GABBR2: variants seen among roughly 807,000 people sequenced by gnomAD.
GABBR2 encodes G-protein coupled receptor 51.
A neutral mutation model predicts 105.6 loss-of-function variants in GABBR2; 23 were observed. The ratio of observed to expected loss-of-function variants is 0.22; its 90% CI spans 0.16 to 0.31. GABBR2 has a LOEUF of 0.31. Ranked by LOEUF, GABBR2 falls within the 10% of genes least tolerant of loss-of-function variation. The probability of loss-of-function intolerance (pLI) is 1.00; values close to 1 mark genes in which losing one functional copy is unlikely to be tolerated. For missense variants in GABBR2, 734 were observed against 1,245.5 expected (o/e 0.59, Z 6.18); for synonymous variants, 478 against 499.7 (o/e 0.96, Z 0.58).
At chr9:98,452,246 C>G (rs985702747) in intron 7 of GABBR2, among the ~76,000 whole-genome samples, 1 of 152,188 alleles carries the variant, frequency 6.6e-6, no homozygotes, top group Admixed American at 6.5e-5. Context: ...GCTTATCTAC[C>G]CTTTATTCCT....
At chr9:98,463,697 G>A (rs1257846383) in intron 6 of GABBR2, among the ~76,000 whole-genome samples, 6 of 151,198 alleles carry the variant, frequency 4.0e-5, no homozygotes, top group African/African-American at 9.7e-5. Flanking sequence ...CAGTACTGCC[G>A]TGATCTCGGC....
intron 4 of GABBR2, among the ~76,000 whole-genome samples, chr9:98,484,974 G>A (rs1204710648): frequency 1.3e-5 from 2 of 152,198 alleles, no homozygotes; most frequent in African/African-American, 4.8e-5. Flanking sequence ...AAAGGGCTTG[G>A]GGCAGTTTAG....
chr9:98,554,714 C>G (rs1046033873), intron 2 of GABBR2, among the ~76,000 whole-genome samples: 5 of 152,102 alleles, frequency 3.3e-5, no homozygotes, highest in Non-Finnish European at 7.4e-5. Flanking sequence ...ATTGTTTTTG[C>G]TATATGGCAT....
At chr9:98,576,932 AT>A (rs1243991101) in intron 2 of GABBR2, among the ~76,000 whole-genome samples, 34 of 150,946 alleles carry the variant, frequency 2.3e-4, no homozygotes, top group Non-Finnish European at 4.6e-4. Context: ...GGATGGATGG[AT>A]GGATGGATGG....
chr9:98,538,498 T>G (rs780685221), intron 3 of GABBR2: 1 of 467,242 alleles, frequency 2.1e-6, no homozygotes, highest in Non-Finnish European at 2.8e-6. Flanking sequence ...TAGAGATCAG[T>G]ACCTCAGACC....
chr9:98,371,071 C>T (rs79160486), intron 12 of GABBR2, among the ~76,000 whole-genome samples: 4,944 of 152,146 alleles, frequency 0.032, 276 homozygotes, highest in African/African-American at 0.11. Context: ...CCACACCAAG[C>T]CTCTCTCGGC....
chr9:98,416,759 A>T (rs757301412), intron 7 of GABBR2, among the ~76,000 whole-genome samples: 1 of 152,208 alleles, frequency 6.6e-6, no homozygotes, highest in Non-Finnish European at 1.5e-5. Flanking sequence ...TAGGGGCAGT[A>T]GCTGTTTCTT....
intron 13 of GABBR2, among the ~76,000 whole-genome samples, chr9:98,353,111 G>A (rs918593065): frequency 1.3e-5 from 2 of 152,112 alleles, no homozygotes; most frequent in African/African-American, 4.8e-5. Flanking sequence ...GTACTAAGGA[G>A]CTCTCCTTGG....
rs1588091448 is a variant in GABBR2, at chr9:98,306,635, A to G, written c.2005-290T>C. On this transcript the variant is annotated intron_variant, in intron 14 of 18. Coordinates refer to ENST00000259455, the MANE Select transcript of GABBR2 (RefSeq NM_005458.8). This position sits in a 1 kb window ranked among gnomAD's most constrained non-coding sequence, Gnocchi z 5.4. ...CCTGCCCAAGGCTACAGTGGAAGGG[A>G]ACTTCAGATAAGATCTCAGCTTTCT... 2.2e-6 allele frequency: 1 copy of G among 461,200 alleles called. No homozygotes were observed. Among genetic ancestry groups the G allele is most frequent in the South Asian group, 2.3e-5 (1 of 43,208 alleles). 28.6% of individuals were successfully genotyped at this position (461,200 alleles called of 1,614,324 possible).
chr9:98,440,835 G>A (rs1336816), intron 7 of GABBR2, among the ~76,000 whole-genome samples: 3,569 of 152,240 alleles, frequency 0.023, 53 homozygotes, highest in African/African-American at 0.045. Context: ...CCATCCTGTC[G>A]GCTAAAATTT....
chr9:98,540,099 T>C (rs563503022), intron 3 of GABBR2, among the ~76,000 whole-genome samples: 3 of 152,256 alleles, frequency 2.0e-5, no homozygotes, highest in African/African-American at 7.2e-5. Flanking sequence ...AGCAAAAGCC[T>C]CTTCAGCGTT....
chr9:98,706,345 G>A (rs1830893953), intron 1 of GABBR2, among the ~76,000 whole-genome samples: 1 of 152,144 alleles, frequency 6.6e-6, no homozygotes, highest in African/African-American at 2.4e-5. Flanking sequence ...AAAGTAACCA[G>A]TTTCTCACTA....
At chr9:98,636,378 C>T (rs2131832506) in intron 1 of GABBR2, among the ~76,000 whole-genome samples, 1 of 152,176 alleles carries the variant, frequency 6.6e-6, no homozygotes, top group African/African-American at 2.4e-5. Context: ...GGGGTGTAGC[C>T]CCAGTGTCTC....
intron 13 of GABBR2, among the ~76,000 whole-genome samples, chr9:98,333,078 G>A (rs1196387564): frequency 1.3e-5 from 2 of 152,120 alleles, no homozygotes; most frequent in African/African-American, 4.8e-5. Context: ...ACAAGAAGAT[G>A]GCAATGTGAA....
intron 1 of GABBR2, among the ~76,000 whole-genome samples, chr9:98,679,279 GAA>G (rs1452095286): frequency 6.6e-6 from 1 of 152,180 alleles, no homozygotes; most frequent in Non-Finnish European, 1.5e-5. Context: ...TGTCTTCCTG[GAA>G]AAACTCAAGG....
Position 98,338,746 on chromosome 9 carries a change from T to C in GABBR2, c.1893+23969A>G, listed in dbSNP as rs891991952. Among the ~76,000 whole-genome samples, 7 of 152,316 alleles carry C rather than the reference T, an allele frequency of 4.6e-5. No individual in the cohort carries two copies. The East Asian group carries it at 5.8e-4, about 13-fold the overall frequency. ...CTAAAAATGTTAACATGAGTTAACA[T>C]GGTTACCATGTAGCCCAGCAATTCC... is the stretch of plus-strand genomic sequence containing the variant. On this transcript the variant is annotated intron_variant, in intron 13 of 18. Coordinates refer to ENST00000259455, the MANE Select transcript of GABBR2 (RefSeq NM_005458.8).
chr9:98,593,285 C>T (rs1387639258), intron 1 of GABBR2, among the ~76,000 whole-genome samples: 1 of 152,210 alleles, frequency 6.6e-6, no homozygotes, highest in Non-Finnish European at 1.5e-5. Flanking sequence ...CCTGGGGCTT[C>T]TCAAGAGTGC....
chr9:98,661,546 G>A (rs761717955), intron 1 of GABBR2, among the ~76,000 whole-genome samples: 3 of 151,916 alleles, frequency 2.0e-5, no homozygotes, highest in African/African-American at 7.3e-5. Context: ...GATTACAGGC[G>A]CATACCACCA....
chr9:98,525,559 G>A (rs749846318), intron 3 of GABBR2, among the ~76,000 whole-genome samples: 27 of 152,176 alleles, frequency 1.8e-4, no homozygotes, highest in Non-Finnish European at 3.8e-4. Flanking sequence ...CCTTGCTGGT[G>A]GGAATGTAAA....
Sources: allele counts gnomAD v4.1 joint callset (sites outside exome capture counted in the v4.1 genomes callset), GRCh38; gene constraint gnomAD v4.1.1; non-coding constraint Gnocchi (gnomAD v3.1); transcripts MANE v1.5; gene names NCBI Gene and HGNC (gene_info 2026-07-23, HGNC 2026-07-21).